Variants in LRP1B observed in about 807,000 individuals in gnomAD.
LRP1B encodes low-density lipoprotein receptor-related protein 1B.
In LRP1B, 217 loss-of-function variants were observed where a neutral mutation model predicts 556.6. The observed-to-expected ratio is 0.39, with a 90% CI of 0.35 to 0.44. The LOEUF is 0.44. LRP1B is among the 20% of genes least tolerant of loss of function. The pLI, the probability that LRP1B is intolerant of heterozygous loss-of-function variation, is 1.00. For missense variants in LRP1B, 5,053 were observed against 5,620.8 expected, an observed-to-expected ratio of 0.90 and a Z score of 3.23; for synonymous variants, 2,047 against 1,865.8, an observed-to-expected ratio of 1.10 and a Z score of -2.50.
At chr2:141,987,153 T>C (rs1432955293) in intron 1 of LRP1B, among the ~76,000 whole-genome samples, 2 of 37,024 alleles carry the variant, frequency 5.4e-5, no homozygotes, top group African/African-American at 1.1e-4. Flanking sequence ...GATAATACAT[T>C]TTGGTTTGAC....
chr2:141,890,360 C>T (rs79401201), intron 1 of LRP1B, among the ~76,000 whole-genome samples: 59,170 of 127,132 alleles, frequency 0.47, 13,722 homozygotes, highest in Admixed American at 0.53. Flanking sequence ...ATGTATTGTG[C>T]ATATATATAT....
At chr2:141,267,739 T>C (rs1684942662) in intron 3 of LRP1B, among the ~76,000 whole-genome samples, 1 of 152,174 alleles carries the variant, frequency 6.6e-6, no homozygotes, top group Middle Eastern at 3.2e-3. Flanking sequence ...TAAGGGAATT[T>C]CTCTGTGCCT....
Position 140,603,302 on chromosome 2 carries a change from G to T in LRP1B, c.6800-1663C>A, listed in dbSNP as rs1012507605. On this transcript the variant is annotated intron_variant, in intron 41 of 90. Transcript: ENST00000389484. ...AAGCTAATTTTATGTGATGCACATAGTTCTCCTATTTGGAGTGAGTGGAAG... is the reference window on the plus strand; with the variant it reads ...AAGCTAATTTTATGTGATGCACATATTTCTCCTATTTGGAGTGAGTGGAAG... Among the ~76,000 whole-genome samples the T allele has an allele frequency of 3.3e-5, 5 of 152,068 alleles. No homozygotes were observed. The South Asian group carries it at 1.0e-3, about 31-fold the overall frequency.
At chr2:141,427,257 G>C (rs1410684068) in intron 3 of LRP1B, among the ~76,000 whole-genome samples, 3 of 152,178 alleles carry the variant, frequency 2.0e-5, no homozygotes, top group Non-Finnish European at 4.4e-5. Context: ...GAACCTGTAT[G>C]AAATATGTAA....
chr2:141,017,952 G>A (rs1697954495), intron 12 of LRP1B, among the ~76,000 whole-genome samples: 1 of 148,544 alleles, frequency 6.7e-6, no homozygotes, highest in Non-Finnish European at 1.5e-5. Flanking sequence ...CGTGAGCCAA[G>A]ATCATACCAC....
At chr2:141,173,064 A>G (rs577902682) in intron 7 of LRP1B, among the ~76,000 whole-genome samples, 2,234 of 151,882 alleles carry the variant, frequency 0.015, 24 homozygotes, top group Middle Eastern at 0.041. Flanking sequence ...TTAAAAAAAA[A>G]AAAACCCACA....
intron 1 of LRP1B, among the ~76,000 whole-genome samples, chr2:141,947,552 T>G (rs1228743013): frequency 6.6e-6 from 1 of 152,066 alleles, no homozygotes; most frequent in Non-Finnish European, 1.5e-5. Flanking sequence ...GATAATGGCT[T>G]ATTGAAGAAA....
chr2:140,993,988 A>G lies in LRP1B; in HGVS notation c.2644+7T>C, dbSNP rs772697349. On this transcript the variant is annotated splice_region_variant and intron_variant, in intron 16 of 90. Transcript: ENST00000389484. ...ACAATTTTTAGGTGACTTGGAAGAG[A>G]ACATACAGCAGTTTACTGAATCCTC... The G allele has an allele frequency of 1.2e-6, 2 of 1,611,338 alleles. No individual in the cohort carries two copies. The highest frequency in any genetic ancestry group is 2.2e-5 in the South Asian group (2 of 90,844).
At chr2:141,803,942 T>C (rs991073699) in intron 2 of LRP1B, among the ~76,000 whole-genome samples, 3 of 152,116 alleles carry the variant, frequency 2.0e-5, no homozygotes, top group Non-Finnish European at 4.4e-5. Flanking sequence ...GGAAACATAA[T>C]AGAATCATTG....
chr2:141,438,777 G>A (rs35353050), intron 3 of LRP1B, among the ~76,000 whole-genome samples: 37,419 of 152,032 alleles, frequency 0.25, 4,763 homozygotes, highest in South Asian at 0.36. Context: ...AGAAAAGGAA[G>A]AGTCAGAGAA....
intron 3 of LRP1B, among the ~76,000 whole-genome samples, chr2:141,463,561 T>C (rs563212851): frequency 0.12 from 2,227 of 18,732 alleles, 124 homozygotes; most frequent in African/African-American, 0.24. Context: ...ATATATAATA[T>C]ATATTATATA....
At chr2:141,770,737 G>A (rs1020425385) in intron 2 of LRP1B, among the ~76,000 whole-genome samples, 7 of 152,176 alleles carry the variant, frequency 4.6e-5, no homozygotes, top group South Asian at 2.1e-4. Context: ...CCCTACAGGC[G>A]CTGTCTTTAA....
At chr2:141,836,900 T>C (rs1697300693) in intron 1 of LRP1B, among the ~76,000 whole-genome samples, 1 of 152,152 alleles carries the variant, frequency 6.6e-6, no homozygotes, top group African/African-American at 2.4e-5. Flanking sequence ...AAAGTAATTT[T>C]TTTTCTAATT....
intron 2 of LRP1B, among the ~76,000 whole-genome samples, chr2:141,771,261 A>C (rs1694889378): frequency 1.3e-5 from 2 of 148,464 alleles, no homozygotes; most frequent in African/African-American, 4.9e-5. Flanking sequence ...TTACTTAATT[A>C]GCCAAAAAAA....
intron 68 of LRP1B, among the ~76,000 whole-genome samples, chr2:140,375,064 G>A (rs1341528263): frequency 6.6e-6 from 1 of 151,836 alleles, no homozygotes; most frequent in Non-Finnish European, 1.5e-5. Context: ...TTCTGAATTT[G>A]ACTAATTGCA....
chr2:141,797,100 AC>A (rs1213398457), intron 2 of LRP1B, among the ~76,000 whole-genome samples: 6 of 145,922 alleles, frequency 4.1e-5, no homozygotes, highest in African/African-American at 1.5e-4. Context: ...TAAAGAAGGT[AC>A]CTAGTCAAAT....
chr2:141,609,468 C>T (rs189581475), intron 2 of LRP1B, among the ~76,000 whole-genome samples: 1 of 152,140 alleles, frequency 6.6e-6, no homozygotes, highest in African/African-American at 2.4e-5. Context: ...TTACAACAGT[C>T]TTAAATAACT....
intron 25 of LRP1B, among the ~76,000 whole-genome samples, chr2:140,882,078 T>A (rs1559172920): frequency 2.6e-5 from 4 of 152,170 alleles, no homozygotes; most frequent in African/African-American, 9.6e-5. Context: ...ATTATTCATG[T>A]TTTTCTTCTC....
intron 2 of LRP1B, among the ~76,000 whole-genome samples, chr2:141,698,206 T>C (rs571022239): frequency 2.6e-5 from 4 of 151,870 alleles, no homozygotes; most frequent in Non-Finnish European, 5.9e-5. Flanking sequence ...CAGTGATTGC[T>C]TCTGTGGAGT....
Sources: gnomAD v4.1 joint callset for allele counts (sites outside exome capture counted in the v4.1 genomes callset) on GRCh38, gnomAD v4.1.1 for gene constraint, MANE v1.5 for transcripts, NCBI Gene and HGNC (gene_info 2026-07-23, HGNC 2026-07-21) for gene names.